Variants in ZBTB7C observed in about 807,000 individuals in gnomAD.
ZBTB7C encodes zinc finger and BTB domain containing 7C.
Under a neutral mutation model 25.7 loss-of-function variants are expected in ZBTB7C, and 8 were observed. The ratio of observed to expected loss-of-function variants is 0.31; its 90% confidence interval spans 0.18 to 0.56. The LOEUF (loss-of-function observed/expected upper bound fraction) is 0.56. Among genes scored for constraint, ZBTB7C ranks in the 20% least tolerant of loss-of-function variants. ZBTB7C has a pLI of 0.91. For missense variants in ZBTB7C, 824 were observed against 855.2 expected, an observed-to-expected ratio of 0.96 and a Z score of 0.46; for synonymous variants, 394 against 369.0, an observed-to-expected ratio of 1.07 and a Z score of -0.78.
chr18:48,347,601 G>T (rs559549278), intron 1 of ZBTB7C, among the ~76,000 whole-genome samples: 2 of 152,184 alleles, frequency 1.3e-5, no homozygotes, highest in South Asian at 4.2e-4. Context: ...TTCCACCAAG[G>T]CTTCACATGC....
At chr18:48,361,653 G>A (rs1265811540) in intron 1 of ZBTB7C, among the ~76,000 whole-genome samples, 4 of 152,160 alleles carry the variant, frequency 2.6e-5, no homozygotes, top group Admixed American at 6.5e-5. Flanking sequence ...TCAACCCCAG[G>A]GCACACTGGA....
chr18:48,280,365 G>T (rs2044800653), intron 2 of ZBTB7C, among the ~76,000 whole-genome samples: 1 of 152,028 alleles, frequency 6.6e-6, no homozygotes, highest in Non-Finnish European at 1.5e-5. Context: ...TTGGATTTGG[G>T]CTCCATTCCC....
intron 1 of ZBTB7C, among the ~76,000 whole-genome samples, chr18:48,402,352 T>C (rs928382125): frequency 1.6e-4 from 25 of 152,272 alleles, no homozygotes; most frequent in South Asian, 4.1e-4. Context: ...TAAGGAATAC[T>C]ACACATCCAT....
chr18:48,158,201 C>T lies in ZBTB7C; in HGVS notation c.-17+27733G>A, dbSNP rs181744458. ...GCCCTGTTCCTCCTTTTTCTCTTTGCTTTTGGTGGATTTGTTTTGGTGGCT... is the reference window on the plus strand; with the variant it reads ...GCCCTGTTCCTCCTTTTTCTCTTTGTTTTTGGTGGATTTGTTTTGGTGGCT... On this transcript the variant is annotated intron_variant, in intron 3 of 4. Transcript: ENST00000590800. Among the ~76,000 whole-genome samples the T allele has an allele frequency of 3.3e-5, 5 of 152,298 alleles. No homozygotes were observed. The East Asian group carries it at 7.7e-4, about 23-fold the overall frequency.
rs142529112 is a variant in ZBTB7C at position 48,341,865 on chromosome 18, G to C, written c.-303-3467C>G. Among the ~76,000 whole-genome samples the C allele has an allele frequency of 4.1e-4, 62 of 152,350 alleles. 1 individual carries two copies. In the East Asian group the frequency reaches 0.012, roughly 29 times the overall value. On this transcript the variant is annotated intron_variant, in intron 1 of 4. Coordinates refer to ENST00000590800, the MANE Select transcript of ZBTB7C (RefSeq NM_001318841.2). ...ACAAGTGTGATCTGGAGATGTTGAG[G>C]GGGAGATGGAGAGAAACCCTGCCGT...
At chr18:48,353,147 A>C (rs2046901984) in intron 1 of ZBTB7C, among the ~76,000 whole-genome samples, 1 of 152,146 alleles carries the variant, frequency 6.6e-6, no homozygotes, top group African/African-American at 2.4e-5. Flanking sequence ...CTAACCCTCA[A>C]AACAACTCTG....
chr18:48,239,145 C>T (rs2043457070), intron 2 of ZBTB7C, among the ~76,000 whole-genome samples: 1 of 152,110 alleles, frequency 6.6e-6, no homozygotes, highest in Non-Finnish European at 1.5e-5. Context: ...ACCCTCATCC[C>T]CCACAGTAGC....
At chr18:48,272,322 G>C (rs2044518272) in intron 2 of ZBTB7C, among the ~76,000 whole-genome samples, 1 of 152,222 alleles carries the variant, frequency 6.6e-6, no homozygotes, top group African/African-American at 2.4e-5. Flanking sequence ...ATCTTCTCCT[G>C]TTCTTAGACA....
chr18:48,138,605 G>A (rs1331387498), intron 3 of ZBTB7C, among the ~76,000 whole-genome samples: 1 of 152,162 alleles, frequency 6.6e-6, no homozygotes, highest in East Asian at 1.9e-4. Flanking sequence ...GTGGGGAGAG[G>A]CTGCTAGGTC....
At position 48,026,798 on chromosome 18, in the gene ZBTB7C, A is replaced by AATT. The variant is rs2035540905; in HGVS notation, c.*2459_*2461dup. On this transcript the variant is annotated 3_prime_UTR_variant, in exon 5 of 5. Transcript: ENST00000590800. ...TTATTTTAAGTTTATGACACCCAAC[A>AATT]ATTAAAAACCTTAAGACTGGCTTGT... is the stretch of plus-strand genomic sequence containing the variant. 1 of 151,916 alleles carries AATT rather than the reference A, an allele frequency of 6.6e-6. No individual in the cohort carries two copies. The allele number at this position is 151,916 out of a possible 1,614,324, so 9.4% of individuals were successfully genotyped here.
At chr18:48,380,504 A>G (rs1367290054) in intron 1 of ZBTB7C, among the ~76,000 whole-genome samples, 5 of 152,184 alleles carry the variant, frequency 3.3e-5, no homozygotes, top group African/African-American at 1.2e-4. Context: ...TACATATAAA[A>G]TATTTACAGA....
At chr18:48,205,254 A>G (rs1192825263) in intron 2 of ZBTB7C, among the ~76,000 whole-genome samples, 3 of 152,192 alleles carry the variant, frequency 2.0e-5, no homozygotes, top group African/African-American at 7.2e-5. Context: ...CAAAAGGTCA[A>G]TAATCAAAAA....
At chr18:48,286,897 C>T (rs1039308493) in intron 2 of ZBTB7C, among the ~76,000 whole-genome samples, 9 of 151,944 alleles carry the variant, frequency 5.9e-5, no homozygotes, top group African/African-American at 2.2e-4. Context: ...ACAAAAAATA[C>T]AAAAATTAGC....
At chr18:48,112,385 C>T (rs1299382599) in intron 3 of ZBTB7C, among the ~76,000 whole-genome samples, 1 of 141,552 alleles carries the variant, frequency 7.1e-6, no homozygotes, top group Non-Finnish European at 1.5e-5. Context: ...CTCGCTCTGT[C>T]GCCCAGGACG....
intron 3 of ZBTB7C, among the ~76,000 whole-genome samples, chr18:48,182,708 A>G (rs1735396480): frequency 6.6e-6 from 1 of 152,232 alleles, no homozygotes; most frequent in Non-Finnish European, 1.5e-5. Flanking sequence ...ATTATAGTCA[A>G]GTCACTGAAT....
chr18:48,127,094 C>G (rs2039825925), intron 3 of ZBTB7C, among the ~76,000 whole-genome samples: 1 of 152,198 alleles, frequency 6.6e-6, no homozygotes, highest in Admixed American at 6.5e-5. Context: ...TTTCCTCATT[C>G]AGTCTTCACA....
chr18:48,050,100 C>T (rs562801634), intron 3 of ZBTB7C, among the ~76,000 whole-genome samples: 8 of 152,152 alleles, frequency 5.3e-5, no homozygotes, highest in Admixed American at 1.3e-4. Flanking sequence ...GGTTGGGCAG[C>T]GGCTACCTGC....
chr18:48,088,750 A>G (rs2038290973), intron 3 of ZBTB7C, among the ~76,000 whole-genome samples: 1 of 152,200 alleles, frequency 6.6e-6, no homozygotes, highest in Non-Finnish European at 1.5e-5. Flanking sequence ...GAATCGCTCA[A>G]ACCTGGAAGG....
At chr18:48,275,216 A>G (rs1187470478) in intron 2 of ZBTB7C, among the ~76,000 whole-genome samples, 3 of 152,220 alleles carry the variant, frequency 2.0e-5, no homozygotes, top group Admixed American at 6.5e-5. Flanking sequence ...AACCTTGGGA[A>G]AACATATATG....
Sources: allele counts gnomAD v4.1 joint callset (sites outside exome capture counted in the v4.1 genomes callset), GRCh38; gene constraint gnomAD v4.1.1; transcripts MANE v1.5; gene names NCBI Gene and HGNC (gene_info 2026-07-23, HGNC 2026-07-21).